Variants in KHDRBS3 observed in about 807,000 individuals in gnomAD.
KHDRBS3 encodes KH domain-containing, RNA-binding, signal transduction-associated protein 3.
Under a neutral mutation model 45.6 loss-of-function variants are expected in KHDRBS3, and 23 were observed. The ratio of observed to expected loss-of-function variants is 0.50; its 90% CI spans 0.36 to 0.72. The LOEUF (loss-of-function observed/expected upper bound fraction) is 0.72, where lower values mean the gene tolerates loss of function less well. KHDRBS3 is among the 30% of genes least tolerant of loss of function. KHDRBS3 has a pLI of 0.00. For missense variants in KHDRBS3, 352 were observed against 424.8 expected (o/e 0.83, Z 1.51); for synonymous variants, 162 against 156.5 (o/e 1.04, Z -0.26).
chr8:135,654,665 T>C (rs1351238727), intron 4 of KHDRBS3, among the ~76,000 whole-genome samples: 1 of 152,202 alleles, frequency 6.6e-6, no homozygotes, highest in East Asian at 1.9e-4. Flanking sequence ...TTCCTCAGAC[T>C]CCTGCTGGTC....
chr8:135,502,125 G>A (rs1823766404), intron 1 of KHDRBS3, among the ~76,000 whole-genome samples: 1 of 152,140 alleles, frequency 6.6e-6, no homozygotes, highest in Admixed American at 6.5e-5. Context: ...AACAGTCACA[G>A]GGCATTGCCA....
chr8:135,590,176 G>A (rs1467820792), intron 6 of KHDRBS3, among the ~76,000 whole-genome samples: 1 of 152,192 alleles, frequency 6.6e-6, no homozygotes, highest in Non-Finnish European at 1.5e-5. Flanking sequence ...TTACTGTACT[G>A]AATACTGTAG....
intron 7 of KHDRBS3, among the ~76,000 whole-genome samples, chr8:135,611,387 C>A (rs1001096289): frequency 2.0e-5 from 3 of 151,968 alleles, no homozygotes; most frequent in Non-Finnish European, 4.4e-5. Flanking sequence ...ATATTAGTAT[C>A]TTTTCCACTA....
chr8:135,516,570 T>TTGTGTGTGTGTGTGTGTG (rs56155377), intron 1 of KHDRBS3, among the ~76,000 whole-genome samples: 2 of 149,032 alleles, frequency 1.3e-5, no homozygotes, highest in Non-Finnish European at 1.5e-5. Context: ...GTTTCTTACA[T>TTGTGTGTGTGTGTGTGTG]TGTGTGTGTG....
At chr8:135,644,018 T>C (rs1831180021) in intron 7 of KHDRBS3, among the ~76,000 whole-genome samples, 1 of 152,200 alleles carries the variant, frequency 6.6e-6, no homozygotes, top group African/African-American at 2.4e-5. Flanking sequence ...TGGGGATGTT[T>C]ATTTCCATGA....
intron 7 of KHDRBS3, chr8:135,625,148 G>C: frequency 8.4e-7 from 1 of 1,188,032 alleles, no homozygotes; most frequent in South Asian, 1.3e-5. Flanking sequence ...ATGATTTGGA[G>C]TGAAGAATTC....
At chr8:135,644,965 T>G in intron 7 of KHDRBS3, 94 bp from the exon 8 acceptor site, 8 of 1,281,312 alleles carry the variant, frequency 6.2e-6, no homozygotes, top group Middle Eastern at 2.2e-4. Context: ...TTGCCCTTCA[T>G]TAGTTGTCTT....
At chr8:135,534,111 C>A (rs578216075) in intron 2 of KHDRBS3, among the ~76,000 whole-genome samples, 7 of 152,162 alleles carry the variant, frequency 4.6e-5, no homozygotes, top group African/African-American at 1.7e-4. Context: ...TAAAAAAATT[C>A]TTTATATCCT....
chr8:135,465,988 T>A (rs917158707), intron 1 of KHDRBS3, among the ~76,000 whole-genome samples: 5 of 152,216 alleles, frequency 3.3e-5, no homozygotes, highest in Non-Finnish European at 7.3e-5. Flanking sequence ...TCAACATTTT[T>A]CCTTGTTCTT....
At chr8:135,588,672 G>T (rs894777026) in intron 6 of KHDRBS3, among the ~76,000 whole-genome samples, 2 of 152,204 alleles carry the variant, frequency 1.3e-5, no homozygotes, top group South Asian at 4.2e-4. Context: ...ATAACAAAAC[G>T]CCCTCCTTTC....
intron 1 of KHDRBS3, among the ~76,000 whole-genome samples, chr8:135,511,178 A>T (rs556003230): frequency 2.1e-4 from 32 of 152,324 alleles, no homozygotes; most frequent in African/African-American, 7.5e-4. Flanking sequence ...GGAATCCTGA[A>T]TCTCTGTTGG....
At chr8:135,499,334 CAG>C (rs1179530050) in intron 1 of KHDRBS3, among the ~76,000 whole-genome samples, 19 of 152,270 alleles carry the variant, frequency 1.2e-4, no homozygotes, top group Non-Finnish European at 1.8e-4. Context: ...AATAAAGAAA[CAG>C]AATGTCAGAA....
intron 7 of KHDRBS3, among the ~76,000 whole-genome samples, chr8:135,637,456 G>A (rs907918271): frequency 2.0e-5 from 3 of 152,154 alleles, no homozygotes; most frequent in Admixed American, 2.0e-4. Context: ...GTAGGTGTTA[G>A]CTGAAGTCTT....
intron 8 of KHDRBS3, 116 bp from the exon 9 acceptor site, chr8:135,646,877 G>A (rs977172890): frequency 1.6e-6 from 1 of 617,272 alleles, no homozygotes; most frequent in Non-Finnish European, 3.0e-6. Context: ...TACACCAGGG[G>A]TATATATTTT....
At chr8:135,496,118 T>G (rs1182118782) in intron 1 of KHDRBS3, among the ~76,000 whole-genome samples, 1 of 143,976 alleles carries the variant, frequency 6.9e-6, no homozygotes, top group Admixed American at 7.1e-5. Flanking sequence ...GCTAGAGAGA[T>G]ATATGGGCAT....
chr8:135,553,866 T>C (rs1167621082), intron 4 of KHDRBS3, among the ~76,000 whole-genome samples: 1 of 152,216 alleles, frequency 6.6e-6, no homozygotes, highest in Non-Finnish European at 1.5e-5. Flanking sequence ...AGTTTCACTT[T>C]TCAGACGGGG....
intron 1 of KHDRBS3, chr8:135,458,170 G>A: frequency 7.5e-7 from 1 of 1,338,498 alleles, no homozygotes; most frequent in Non-Finnish European, 9.6e-7. Flanking sequence ...GAAGGAGAAG[G>A]CTGGGGCGCA....
At chr8:135,556,595 G>C (rs748951027) in intron 4 of KHDRBS3, among the ~76,000 whole-genome samples, 1 of 152,118 alleles carries the variant, frequency 6.6e-6, no homozygotes, top group South Asian at 2.1e-4. Flanking sequence ...CTTTCTTCTT[G>C]TAAATTTGTT....
intron 7 of KHDRBS3, among the ~76,000 whole-genome samples, chr8:135,642,613 C>T (rs551022214): frequency 5.9e-5 from 9 of 152,082 alleles, no homozygotes; most frequent in African/African-American, 1.2e-4. Flanking sequence ...GTTAAGCCAG[C>T]GGAGCTTAAC....
Sources: gnomAD v4.1 joint callset for allele counts (sites outside exome capture counted in the v4.1 genomes callset) on GRCh38, gnomAD v4.1.1 for gene constraint, MANE v1.5 for transcripts, NCBI Gene and HGNC (gene_info 2026-07-23, HGNC 2026-07-21) for gene names.